The following TRABD2B variants were observed in gnomAD, a reference collection of about 807,000 sequenced individuals.
The protein encoded by TRABD2B is metalloprotease TIKI2.
A neutral mutation model predicts 40.1 loss-of-function variants in TRABD2B; 14 were observed. That is an observed-to-expected ratio of 0.35 (90% CI 0.23 to 0.55). The LOEUF is 0.55. Among genes scored for constraint, TRABD2B ranks in the 20% least tolerant of loss-of-function variants. The probability of loss-of-function intolerance (pLI) is 0.90; values close to 1 mark genes in which losing one functional copy is unlikely to be tolerated. For missense variants in TRABD2B, 541 were observed against 648.6 expected, an observed-to-expected ratio of 0.83 and a Z score of 1.80; for synonymous variants, 263 against 277.0, an observed-to-expected ratio of 0.95 and a Z score of 0.50.
chr1:47,768,933 C>A (rs1312547978), intron 6 of TRABD2B, among the ~76,000 whole-genome samples: 4 of 152,216 alleles, frequency 2.6e-5, no homozygotes, highest in Admixed American at 1.3e-4. Flanking sequence ...AGTGTCTCCC[C>A]AGCCTGAGAC....
intron 2 of TRABD2B, among the ~76,000 whole-genome samples, chr1:47,876,845 C>T (rs989518950): frequency 4.6e-5 from 7 of 152,188 alleles, no homozygotes; most frequent in Non-Finnish European, 1.5e-5. Flanking sequence ...GGGCTACATG[C>T]TAGGTCATTC....
Position 47,894,009 on chromosome 1 carries a change from G to C in TRABD2B, c.667-92390C>G, listed in dbSNP as rs1348162317. 2.6e-5 allele frequency among the ~76,000 whole-genome samples: 4 copies of C among 152,086 alleles called. No homozygotes were observed. The South Asian group carries it at 6.2e-4, about 24-fold the overall frequency. On this transcript the variant is annotated intron_variant, in intron 2 of 6. Transcript: ENST00000606738. Reference sequence around the variant, plus strand: ...CTGATTGTTGATTGTGCTCCTCCTTGAACTTACTTATATTGTCAGCCTATA... The same window carrying C: ...CTGATTGTTGATTGTGCTCCTCCTTCAACTTACTTATATTGTCAGCCTATA...
At chr1:47,990,458 G>A (rs909686374) in intron 2 of TRABD2B, among the ~76,000 whole-genome samples, 9 of 152,008 alleles carry the variant, frequency 5.9e-5, no homozygotes, top group Non-Finnish European at 8.8e-5. Context: ...GGGGCTCACC[G>A]CCTCCTAATA....
chr1:47,885,974 G>A (rs953465052), intron 2 of TRABD2B, among the ~76,000 whole-genome samples: 1 of 152,188 alleles, frequency 6.6e-6, no homozygotes, highest in Non-Finnish European at 1.5e-5. Context: ...GGTCTGGAAT[G>A]CCTTCAACCT....
Position 47,846,306 on chromosome 1 carries a change from C to T in TRABD2B, c.667-44687G>A, listed in dbSNP as rs552124238. 3.3e-4 allele frequency among the ~76,000 whole-genome samples: 50 copies of T among 152,344 alleles called. 1 individual carries two copies. In the South Asian group the frequency reaches 0.01, roughly 31 times the overall value. On this transcript the variant is annotated intron_variant, in intron 2 of 6. Coordinates refer to ENST00000606738, the MANE Select transcript of TRABD2B (RefSeq NM_001194986.2). ...GGAAAGAGGGATGCCAAGAGCTGCC[C>T]CATTGCCATTTCCACCTGCTCCAAC...
Position 47,994,369 on chromosome 1 carries a change from C to T in TRABD2B, c.331G>A (p.Asp111Asn). 6.5e-7 allele frequency: 1 copy of T among 1,536,212 alleles called. No homozygotes were observed. Among genetic ancestry groups the T allele is most frequent in the Non-Finnish European group, 8.7e-7 (1 of 1,146,926 alleles). ...CAGTAAAGCTCGTGGGGCAGCACGT[C>T]CTGCAGGTTTTCCCCGTGCGGCAGC... ...QLLPHGENLQ[D>N]VLPHELYWRL... The change falls in exon 2 of 7, where the codon GAC becomes AAC. Residue 111 changes from aspartate to asparagine, a missense_variant. Asp to Asn is a conservative substitution (Grantham distance 23). Coordinates refer to ENST00000606738, the MANE Select transcript of TRABD2B (RefSeq NM_001194986.2). This position sits in a 1 kb window ranked among gnomAD's most constrained non-coding sequence, Gnocchi z 6.7.
chr1:47,890,013 A>C (rs572887105), intron 2 of TRABD2B, among the ~76,000 whole-genome samples: 4 of 152,312 alleles, frequency 2.6e-5, no homozygotes, highest in Admixed American at 2.6e-4. Flanking sequence ...GTTGCTGAAT[A>C]TCTCTGGCTG....
At chr1:47,847,629 G>A (rs1026452772) in intron 2 of TRABD2B, among the ~76,000 whole-genome samples, 4 of 152,206 alleles carry the variant, frequency 2.6e-5, no homozygotes, top group African/African-American at 9.6e-5. Context: ...CTGCTCCAGC[G>A]CCCTGCAGCC....
At chr1:47,798,412 G>A (rs1176677200) in intron 3 of TRABD2B, among the ~76,000 whole-genome samples, 2 of 152,218 alleles carry the variant, frequency 1.3e-5, no homozygotes, top group African/African-American at 4.8e-5. Context: ...GCTTCCAAGG[G>A]GAAGGCCTTT....
intron 2 of TRABD2B, among the ~76,000 whole-genome samples, chr1:47,875,350 G>A (rs1644208392): frequency 6.6e-6 from 1 of 151,124 alleles, no homozygotes; most frequent in Non-Finnish European, 1.5e-5. Flanking sequence ...TGCCCTTAAA[G>A]CTAAAAAGTC....
rs192966692 is a variant in TRABD2B at position 47,828,112 on chromosome 1, C to T, written c.667-26493G>A. On this transcript the variant is annotated intron_variant, in intron 2 of 6. Transcript: ENST00000606738. ...GAGGTATTAACAACATACATACAAACGGGAGCATAAGGGCTCAGTCCAGGG... is the reference window on the plus strand; with the variant it reads ...GAGGTATTAACAACATACATACAAATGGGAGCATAAGGGCTCAGTCCAGGG... 1.3e-3 allele frequency among the ~76,000 whole-genome samples: 197 copies of T among 152,272 alleles called. 3 individuals are homozygous for T. The highest frequency in any genetic ancestry group is 1.9e-4 in the Non-Finnish European group (13 of 68,018).
At chr1:47,793,880 C>T (rs552166922) in intron 4 of TRABD2B, among the ~76,000 whole-genome samples, 1 of 152,048 alleles carries the variant, frequency 6.6e-6, no homozygotes, top group Admixed American at 6.6e-5. Context: ...TGTAGACTCC[C>T]CTTTGCATGA....
chr1:47,816,682 T>G (rs796828534), intron 2 of TRABD2B, among the ~76,000 whole-genome samples: 2 of 152,158 alleles, frequency 1.3e-5, no homozygotes, highest in Non-Finnish European at 2.9e-5. Context: ...TTTGAAGCTC[T>G]CCTACACCCT....
intron 2 of TRABD2B, among the ~76,000 whole-genome samples, chr1:47,845,592 T>C (rs745463277): frequency 6.6e-6 from 1 of 152,162 alleles, no homozygotes; most frequent in African/African-American, 2.4e-5. Flanking sequence ...CTGCTATTAA[T>C]GACAATGAGA....
rs1644287801 is a variant in TRABD2B at position 47,765,239 on chromosome 1, C to T, written c.*663G>A. ...GGGGTGGGGACTGCTTTCCTCAGCACCAGTATCCCACCTCCCACCCCACCC... is the reference window on the plus strand; with the variant it reads ...GGGGTGGGGACTGCTTTCCTCAGCATCAGTATCCCACCTCCCACCCCACCC... On this transcript the variant is annotated 3_prime_UTR_variant, in exon 7 of 7. Transcript: ENST00000606738. 6.6e-6 allele frequency: 1 copy of T among 152,630 alleles called. No homozygotes were observed. The highest frequency in any genetic ancestry group is 1.9e-4 in the East Asian group (1 of 5,180). 9.5% of individuals were successfully genotyped at this position (152,630 alleles called of 1,614,324 possible). A position where few individuals can be genotyped will look rare whatever the true frequency, so the allele number is the denominator to read the frequency against.
At chr1:47,975,118 G>A (rs909623688) in intron 2 of TRABD2B, among the ~76,000 whole-genome samples, 1 of 152,122 alleles carries the variant, frequency 6.6e-6, no homozygotes, top group Non-Finnish European at 1.5e-5. Flanking sequence ...AATAACTTTA[G>A]GGGAAAACTG....
chr1:47,852,461 T>G (rs1557614039), intron 2 of TRABD2B, among the ~76,000 whole-genome samples: 1 of 152,210 alleles, frequency 6.6e-6, no homozygotes, highest in Non-Finnish European at 1.5e-5. Flanking sequence ...TGAGCCCGTT[T>G]CAGAGAGCTG....
intron 2 of TRABD2B, among the ~76,000 whole-genome samples, chr1:47,913,907 A>G (rs187955087): frequency 2.0e-5 from 3 of 152,372 alleles, no homozygotes; most frequent in Non-Finnish European, 4.4e-5. Context: ...CTGCCATTTT[A>G]TAGATGAGAA....
intron 3 of TRABD2B, among the ~76,000 whole-genome samples, chr1:47,797,284 C>T (rs775882060): frequency 6.6e-6 from 1 of 152,346 alleles, no homozygotes; most frequent in African/African-American, 2.4e-5. Flanking sequence ...AAAGGAAGTC[C>T]TGAATCAATG....
Sources: gnomAD v4.1 joint callset for allele counts (sites outside exome capture counted in the v4.1 genomes callset) on GRCh38, gnomAD v4.1.1 for gene constraint, Gnocchi (gnomAD v3.1) non-coding constraint, MANE v1.5 for transcripts, NCBI Gene and HGNC (gene_info 2026-07-23, HGNC 2026-07-21) for gene names.